The following CHSY3 variants were observed in gnomAD, a reference collection of about 807,000 sequenced individuals.
CHSY3 encodes the protein chondroitin sulfate synthase 3, also known as N-acetylgalactosaminyl-proteoglycan 3-beta-glucuronosyltransferase 3.
Under a neutral mutation model 67.2 loss-of-function variants are expected in CHSY3, and 35 were observed. That is an observed-to-expected ratio of 0.52 (90% confidence interval 0.40 to 0.69). The LOEUF is 0.69. CHSY3 is among the 30% of genes least tolerant of loss of function. The pLI is 0.00. For missense variants in CHSY3, 1,069 were observed against 1,138.5 expected (o/e 0.94, Z 0.88); for synonymous variants, 474 against 434.7 (o/e 1.09, Z -1.12).
At chr5:130,134,414 G>T (rs951641861) in intron 2 of CHSY3, among the ~76,000 whole-genome samples, 1 of 152,160 alleles carries the variant, frequency 6.6e-6, no homozygotes, top group Non-Finnish European at 1.5e-5. Context: ...TTTGACAATG[G>T]CAGGTAATAA....
intron 2 of CHSY3, among the ~76,000 whole-genome samples, chr5:130,123,633 G>A (rs536934520): frequency 6.6e-6 from 1 of 152,284 alleles, no homozygotes; most frequent in East Asian, 1.9e-4. Flanking sequence ...TCCTGTGTTA[G>A]ACCACATCAG....
chr5:129,961,713 A>G (rs1225254927), intron 2 of CHSY3, among the ~76,000 whole-genome samples: 1 of 151,808 alleles, frequency 6.6e-6, no homozygotes, highest in Non-Finnish European at 1.5e-5. Context: ...CTGATCCAGG[A>G]TGGTCCACAA....
At chr5:129,941,191 A>G (rs55684967) in intron 2 of CHSY3, among the ~76,000 whole-genome samples, 48,914 of 151,878 alleles carry the variant, frequency 0.32, 9,243 homozygotes, top group Non-Finnish European at 0.44. Context: ...TGACAGAGAA[A>G]GATCCTGTCT....
chr5:130,180,677 A>G, intron 2 of CHSY3, among the ~76,000 whole-genome samples: 1 of 151,784 alleles, frequency 6.6e-6, no homozygotes, highest in South Asian at 2.1e-4. Flanking sequence ...ACATAGTGAG[A>G]CCCATCTCTA....
chr5:129,965,006 C>T (rs1762431748), intron 2 of CHSY3, among the ~76,000 whole-genome samples: 1 of 151,886 alleles, frequency 6.6e-6, no homozygotes, highest in Non-Finnish European at 1.5e-5. Context: ...TCATGTTGAC[C>T]AATTTAAACT....
At position 129,984,710 on chromosome 5, in the gene CHSY3, C is replaced by A. The variant is rs544672498; in HGVS notation, c.1086+76350C>A. On this transcript the variant is annotated intron_variant, in intron 2 of 2. Coordinates refer to ENST00000305031, the MANE Select transcript of CHSY3 (RefSeq NM_175856.5). ...TTATTTTTTCACTTTTTAATAGTAG[C>A]CATTCTGACTGGTGTGAGATAGTAT... Among the ~76,000 whole-genome samples, 3 of 152,184 alleles carry A rather than the reference C, an allele frequency of 2.0e-5. No individual in the cohort carries two copies. In the South Asian group the frequency reaches 6.2e-4, roughly 32 times the overall value.
At chr5:130,178,227 T>TTATATATATATATA (rs1554088379) in intron 2 of CHSY3, among the ~76,000 whole-genome samples, 17 of 65,804 alleles carry the variant, frequency 2.6e-4, no homozygotes, top group Non-Finnish European at 3.9e-4. Context: ...ATATTTATAT[T>TTATATATATATATA]TATATATATA....
intron 2 of CHSY3, among the ~76,000 whole-genome samples, chr5:130,054,612 C>G (rs1765469537): frequency 6.6e-6 from 1 of 152,128 alleles, no homozygotes; most frequent in Non-Finnish European, 1.5e-5. Context: ...TCAGTTTCCT[C>G]ACATATATAA....
chr5:129,937,942 A>G (rs1211639324), intron 2 of CHSY3, among the ~76,000 whole-genome samples: 1 of 152,064 alleles, frequency 6.6e-6, no homozygotes, highest in Non-Finnish European at 1.5e-5. Flanking sequence ...GGGGGCTCCA[A>G]CCTCACATTT....
At chr5:130,006,872 A>G in intron 2 of CHSY3, among the ~76,000 whole-genome samples, 1 of 152,220 alleles carries the variant, frequency 6.6e-6, no homozygotes, top group East Asian at 1.9e-4. Flanking sequence ...AATGTGCTAG[A>G]TGACTAAGAA....
At chr5:130,030,984 G>C (rs1764687408) in intron 2 of CHSY3, among the ~76,000 whole-genome samples, 1 of 151,940 alleles carries the variant, frequency 6.6e-6, no homozygotes, top group African/African-American at 2.4e-5. Flanking sequence ...AATTTTAATA[G>C]CTAGAGTATA....
At chr5:130,100,671 A>G (rs1406645338) in intron 2 of CHSY3, among the ~76,000 whole-genome samples, 1 of 152,198 alleles carries the variant, frequency 6.6e-6, no homozygotes, top group East Asian at 1.9e-4. Context: ...ATAGGGTAAG[A>G]GCTTTACGTG....
At position 130,149,362 on chromosome 5, in the gene CHSY3, C is replaced by A. The variant is rs117161366; in HGVS notation, c.1087-34867C>A. On this transcript the variant is annotated intron_variant, in intron 2 of 2. Coordinates refer to ENST00000305031, the MANE Select transcript of CHSY3 (RefSeq NM_175856.5). Reference sequence around the variant, plus strand: ...GTACCAGTATCTGCTTCTGAGGAGGCCTCTGTAAACTTATAATTATGGCAG... The same window carrying A: ...GTACCAGTATCTGCTTCTGAGGAGGACTCTGTAAACTTATAATTATGGCAG... Among the ~76,000 whole-genome samples, 3 of 152,208 alleles carry A rather than the reference C, an allele frequency of 2.0e-5. No homozygotes were observed. In the East Asian group the frequency reaches 5.8e-4, roughly 29 times the overall value.
intron 2 of CHSY3, among the ~76,000 whole-genome samples, chr5:129,930,773 T>G (rs972204405): frequency 7.9e-5 from 12 of 152,094 alleles, no homozygotes; most frequent in African/African-American, 1.2e-4. Flanking sequence ...ACAGATGAGA[T>G]GACAGCCACA....
chr5:130,143,297 C>T (rs1768928010), intron 2 of CHSY3, among the ~76,000 whole-genome samples: 2 of 151,878 alleles, frequency 1.3e-5, no homozygotes, highest in East Asian at 3.9e-4. Flanking sequence ...GTTGTGATTA[C>T]AAGACATAAT....
At chr5:130,033,305 A>AT (rs1197815690) in intron 2 of CHSY3, among the ~76,000 whole-genome samples, 5 of 152,068 alleles carry the variant, frequency 3.3e-5, no homozygotes, top group African/African-American at 1.2e-4. Context: ...CAACCCCGGC[A>AT]TATATACAAC....
chr5:130,166,100 T>C (rs993978309), intron 2 of CHSY3, among the ~76,000 whole-genome samples: 3 of 152,166 alleles, frequency 2.0e-5, no homozygotes, highest in African/African-American at 7.2e-5. Flanking sequence ...CTTTATAAAA[T>C]ATAGTTATTT....
intron 2 of CHSY3, among the ~76,000 whole-genome samples, chr5:130,065,510 A>G (rs1765856548): frequency 1.3e-5 from 2 of 152,070 alleles, no homozygotes; most frequent in African/African-American, 4.8e-5. Context: ...ACTAGGGCCC[A>G]TCCTCTATGT....
At chr5:129,994,184 T>C (rs552348215) in intron 2 of CHSY3, among the ~76,000 whole-genome samples, 2 of 152,270 alleles carry the variant, frequency 1.3e-5, no homozygotes, top group African/African-American at 4.8e-5. Flanking sequence ...GTGACAATTA[T>C]GTGTCTTGGA....
Sources: gnomAD v4.1 joint callset for allele counts (sites outside exome capture counted in the v4.1 genomes callset) on GRCh38, gnomAD v4.1.1 for gene constraint, MANE v1.5 for transcripts, NCBI Gene and HGNC (gene_info 2026-07-23, HGNC 2026-07-21) for gene names.